Variants in SYNPO2 observed in about 807,000 individuals in gnomAD.
SYNPO2 encodes synaptopodin 2, also known as synaptopodin-2.
In SYNPO2, 56 loss-of-function variants were observed where a neutral mutation model predicts 85.0. The ratio of observed to expected loss-of-function variants is 0.66; its 90% CI spans 0.53 to 0.82. The LOEUF (loss-of-function observed/expected upper bound fraction) is 0.82. Among genes scored for constraint, SYNPO2 ranks in the 40% least tolerant of loss-of-function variants. The pLI, the probability that SYNPO2 is intolerant of heterozygous loss-of-function variation, is 0.00. For synonymous variants in SYNPO2, 602 were observed against 591.1 expected (o/e 1.02, Z -0.27); for missense variants, 1,575 against 1,534.2 (o/e 1.03, Z -0.44).
chr4:118,992,850 A>G (rs979371267), intron 1 of SYNPO2, among the ~76,000 whole-genome samples: 3 of 152,010 alleles, frequency 2.0e-5, no homozygotes, highest in Non-Finnish European at 4.4e-5. Context: ...AGCGCCCACC[A>G]ATTTTGGGAC....
At chr4:118,916,708 C>T (rs1733336952) in intron 1 of SYNPO2, among the ~76,000 whole-genome samples, 1 of 144,472 alleles carries the variant, frequency 6.9e-6, no homozygotes, top group Non-Finnish European at 1.5e-5. Flanking sequence ...TCTTCTTCCT[C>T]TTCCTCTTTT....
At chr4:118,958,264 G>C (rs1734948067) in intron 1 of SYNPO2, among the ~76,000 whole-genome samples, 1 of 152,120 alleles carries the variant, frequency 6.6e-6, no homozygotes, top group Non-Finnish European at 1.5e-5. Flanking sequence ...GATGCCTGCG[G>C]TGCGTGTATG....
intron 1 of SYNPO2, among the ~76,000 whole-genome samples, chr4:118,902,804 T>A (rs896325485): frequency 6.6e-6 from 1 of 152,232 alleles, no homozygotes; most frequent in Non-Finnish European, 1.5e-5. Context: ...AGATCTGTAC[T>A]AGATCACTTA....
At chr4:119,028,041 T>C (rs1578657369) in intron 3 of SYNPO2, among the ~76,000 whole-genome samples, 1 of 152,152 alleles carries the variant, frequency 6.6e-6, no homozygotes, top group Non-Finnish European at 1.5e-5. Context: ...GACACAGAAG[T>C]CAGTCTCCAG....
chr4:119,051,351 G>T (rs906010275), intron 4 of SYNPO2, among the ~76,000 whole-genome samples: 34 of 149,686 alleles, frequency 2.3e-4, no homozygotes, highest in Non-Finnish European at 4.6e-4. Flanking sequence ...CACTACGCCC[G>T]GCTAATTTTT....
At chr4:118,952,176 A>T (rs1418410826) in intron 1 of SYNPO2, among the ~76,000 whole-genome samples, 1 of 152,210 alleles carries the variant, frequency 6.6e-6, no homozygotes, top group Non-Finnish European at 1.5e-5. Context: ...CACTACTTTG[A>T]AGATTATTGT....
intron 1 of SYNPO2, among the ~76,000 whole-genome samples, chr4:118,890,850 T>C (rs918154206): frequency 6.6e-6 from 1 of 152,034 alleles, no homozygotes; most frequent in Non-Finnish European, 1.5e-5. Flanking sequence ...TGCCCAAGTA[T>C]TCTACGATCC....
At chr4:119,023,172 A>G (rs1009112024) in intron 1 of SYNPO2, among the ~76,000 whole-genome samples, 3 of 152,014 alleles carry the variant, frequency 2.0e-5, no homozygotes, top group African/African-American at 7.3e-5. Flanking sequence ...GTACCTTTAC[A>G]TTGATTTATT....
chr4:118,885,959 A>G (rs1732192277), upstream of SYNPO2, among the ~76,000 whole-genome samples: 1 of 152,232 alleles, frequency 6.6e-6, no homozygotes, highest in South Asian at 2.1e-4. Flanking sequence ...AATTATCAGT[A>G]AAAGAGAAAC....
chr4:118,975,173 T>G (rs2149158874), intron 1 of SYNPO2, among the ~76,000 whole-genome samples: 1 of 152,346 alleles, frequency 6.6e-6, no homozygotes, highest in South Asian at 2.1e-4. Context: ...TCTGTCATAC[T>G]TATCTTATGG....
chr4:118,989,299 G>C (rs991208993), intron 1 of SYNPO2, among the ~76,000 whole-genome samples: 3 of 152,290 alleles, frequency 2.0e-5, no homozygotes, highest in Non-Finnish European at 4.4e-5. Context: ...TTCATCTTCT[G>C]GGGGAGTAAA....
chr4:118,904,791 AAAAC>A (rs1236123470), intron 1 of SYNPO2, among the ~76,000 whole-genome samples: 1 of 152,186 alleles, frequency 6.6e-6, no homozygotes, highest in East Asian at 1.9e-4. Flanking sequence ...GCTAAAATGA[AAAAC>A]AAAATCTGTG....
chr4:118,949,131 C>G (rs1578577202), intron 1 of SYNPO2, among the ~76,000 whole-genome samples: 1 of 152,070 alleles, frequency 6.6e-6, no homozygotes, highest in Non-Finnish European at 1.5e-5. Context: ...CCCCCAGGAG[C>G]ATGAAAGTTG....
intron 1 of SYNPO2, among the ~76,000 whole-genome samples, chr4:118,879,680 A>G (rs1402193495): frequency 6.6e-6 from 1 of 152,162 alleles, no homozygotes; most frequent in African/African-American, 2.4e-5. Context: ...AAAGAGACTA[A>G]AACACGAGGG....
intron 1 of SYNPO2, among the ~76,000 whole-genome samples, chr4:118,874,984 G>A (rs1266549444): frequency 1.1e-4 from 17 of 152,138 alleles, no homozygotes. Context: ...ATTAAGCCCA[G>A]CATCCATTAG....
At chr4:118,861,511 A>G (rs1221448510) in intron 1 of SYNPO2, among the ~76,000 whole-genome samples, 1 of 152,004 alleles carries the variant, frequency 6.6e-6, no homozygotes, top group Non-Finnish European at 1.5e-5. Context: ...TTTTGATTTG[A>G]TTTTGGTGTA....
chr4:118,996,783 G>A (rs1254289964), intron 1 of SYNPO2, among the ~76,000 whole-genome samples: 1 of 151,380 alleles, frequency 6.6e-6, no homozygotes. Context: ...CTCGAACCTG[G>A]GAGGCAGAGG....
At chr4:119,055,393 G>A (rs768442882) in intron 4 of SYNPO2, among the ~76,000 whole-genome samples, 60 of 152,170 alleles carry the variant, frequency 3.9e-4, no homozygotes, top group Non-Finnish European at 7.1e-4. Context: ...GATCTCAAGT[G>A]ATCCATCTGC....
intron 1 of SYNPO2, among the ~76,000 whole-genome samples, chr4:118,956,624 A>G (rs950954375): frequency 3.3e-5 from 5 of 152,188 alleles, no homozygotes; most frequent in Non-Finnish European, 7.3e-5. Flanking sequence ...AAGAGGAAGA[A>G]AGCTTGGTGG....
Sources: allele counts gnomAD v4.1 joint callset (sites outside exome capture counted in the v4.1 genomes callset), GRCh38; gene constraint gnomAD v4.1.1; transcripts MANE v1.5; gene names NCBI Gene and HGNC (gene_info 2026-07-23, HGNC 2026-07-21).